Variants in PARD6G observed in about 807,000 individuals in gnomAD.
The protein encoded by PARD6G is par-6 family cell polarity regulator gamma.
Under a neutral mutation model 10.7 loss-of-function variants are expected in PARD6G, and 7 were observed. That is an observed-to-expected ratio of 0.66 (90% CI 0.37 to 1.23). PARD6G has a LOEUF of 1.23. Among genes scored for constraint, PARD6G ranks in the 50% most tolerant of loss-of-function variants. The pLI is 0.02. For synonymous variants in PARD6G, 287 were observed against 269.4 expected (o/e 1.07, Z -0.64); for missense variants, 548 against 571.8 (o/e 0.96, Z 0.42).
intron 2 of PARD6G, among the ~76,000 whole-genome samples, chr18:80,172,380 T>C (rs2052782864): frequency 1.7e-5 from 2 of 117,174 alleles, no homozygotes; most frequent in South Asian, 5.2e-4. Context: ...GTTGTATGTC[T>C]TTTTTTTTTT....
chr18:80,247,450 G>C lies in PARD6G; in HGVS notation c.-102C>G. ...CAGGCCCCGGCCCCGGCCCCGGCCC[G>C]CGCTCGCTTGGCCGGCGGGCTGCTC... On this transcript the variant is annotated 5_prime_UTR_variant, in exon 1 of 3. Coordinates refer to ENST00000353265, the MANE Select transcript of PARD6G (RefSeq NM_032510.4). The surrounding 1 kb of genome is among the most constrained non-coding windows in gnomAD (Gnocchi z 4.2). 1.2e-6 allele frequency: 1 copy of C among 807,152 alleles called. No individual in the cohort carries two copies. Among genetic ancestry groups the C allele is most frequent in the African/African-American group, 1.9e-5 (1 of 51,324 alleles). 50.0% of individuals were successfully genotyped at this position (807,152 alleles called of 1,614,324 possible). A position where few individuals can be genotyped will look rare whatever the true frequency, so the allele number is the denominator to read the frequency against.
At chr18:80,244,003 T>G (rs1196609348) in intron 1 of PARD6G, among the ~76,000 whole-genome samples, 1 of 152,164 alleles carries the variant, frequency 6.6e-6, no homozygotes, top group Non-Finnish European at 1.5e-5. Flanking sequence ...GACGCAATAC[T>G]GACGTAGGTA....
At position 80,159,966 on chromosome 18, in the gene PARD6G, G is replaced by C; in HGVS notation, c.936C>G (p.Pro312=). ...CTGCGGGCGCGCCCGGGGTCTGGGG[G>C]GGACGTGCAGGCTCCAGTGTGCCCT... is the stretch of plus-strand genomic sequence containing the variant. ...VIEGTLEPAR[P]PQTPGAPAGS... Residue 312 remains proline, a synonymous_variant, in exon 3 of 3, where the codon CCC becomes CCG. Coordinates refer to ENST00000353265, the MANE Select transcript of PARD6G (RefSeq NM_032510.4). 1.3e-6 allele frequency: 2 copies of C among 1,497,122 alleles called. No individual in the cohort carries two copies. Among genetic ancestry groups the C allele is most frequent in the South Asian group, 1.4e-5 (1 of 73,480 alleles). 92.7% of individuals were successfully genotyped at this position (1,497,122 alleles called of 1,614,324 possible).
intron 1 of PARD6G, among the ~76,000 whole-genome samples, chr18:80,224,493 G>A (rs1038539831): frequency 3.2e-4 from 48 of 152,184 alleles, no homozygotes; most frequent in African/African-American, 1.1e-3. Flanking sequence ...TTTGGTGTGT[G>A]CTTCAAAGCT....
At position 80,247,305 on chromosome 18, in the gene PARD6G, T is replaced by A; in HGVS notation, c.44A>T (p.Asp15Val). 1.3e-6 allele frequency: 2 copies of A among 1,585,020 alleles called. No homozygotes were observed. The highest frequency in any genetic ancestry group is 1.7e-6 in the Non-Finnish European group (2 of 1,166,590). Residue 15 changes from aspartate to valine, a missense_variant, in exon 1 of 3, where the codon GAT becomes GTT. Transcript: ENST00000353265. The surrounding 1 kb of genome is among the most constrained non-coding windows in gnomAD (Gnocchi z 4.2). ...FHKSQTLRFYDCSAVEVKSKF... is the reference protein window; with the variant it reads ...FHKSQTLRFYVCSAVEVKSKF... Reference sequence around the variant, plus strand: ...GCTCTTGACTTCCACTGCGCTGCAATCGTAGAATCGCAAGGTCTGAGACTT... The same window carrying A: ...GCTCTTGACTTCCACTGCGCTGCAAACGTAGAATCGCAAGGTCTGAGACTT...
chr18:80,170,045 C>T (rs1054721221), intron 2 of PARD6G: 1 of 152,238 alleles, frequency 6.6e-6, no homozygotes, highest in African/African-American at 2.4e-5. Flanking sequence ...GTCCGGTCCC[C>T]GCTTATCCAA....
intron 2 of PARD6G, chr18:80,187,861 G>A (rs1418212266): frequency 2.6e-5 from 4 of 152,326 alleles, no homozygotes; most frequent in Non-Finnish European, 1.5e-5. Flanking sequence ...CCCAGGCTAC[G>A]TGGAGTAGCC....
intron 2 of PARD6G, chr18:80,187,713 T>C (rs2052887654): frequency 6.6e-6 from 1 of 152,224 alleles, no homozygotes; most frequent in Admixed American, 6.5e-5. Flanking sequence ...TGACCACTGC[T>C]GACCTGATGC....
chr18:80,213,680 C>T (rs1031142097), intron 1 of PARD6G, among the ~76,000 whole-genome samples: 1 of 152,092 alleles, frequency 6.6e-6, no homozygotes, highest in Non-Finnish European at 1.5e-5. Context: ...CAGTTTTGGC[C>T]GGGTGCAGTG....
chr18:80,203,913 G>T (rs577311765), intron 1 of PARD6G, among the ~76,000 whole-genome samples: 1 of 152,296 alleles, frequency 6.6e-6, no homozygotes, highest in East Asian at 1.9e-4. Flanking sequence ...TGATGGTCTG[G>T]TCTTTTTCCT....
chr18:80,190,211 A>T (rs1966885161), intron 2 of PARD6G, among the ~76,000 whole-genome samples: 1 of 152,198 alleles, frequency 6.6e-6, no homozygotes, highest in Non-Finnish European at 1.5e-5. Flanking sequence ...CCTGGATTTT[A>T]AAAAAGAAAC....
chr18:80,235,381 C>T lies in PARD6G; in HGVS notation c.72+11896G>A, dbSNP rs559031751. Among the ~76,000 whole-genome samples the T allele has an allele frequency of 1.5e-4, 23 of 152,076 alleles. 1 individual carries two copies. The Middle Eastern group carries it at 0.014, about 90-fold the overall frequency. On this transcript the variant is annotated intron_variant, in intron 1 of 2. Coordinates refer to ENST00000353265, the MANE Select transcript of PARD6G (RefSeq NM_032510.4). ...GCAGTGTGTAGAGGGAAATTTATAG[C>T]ACTAAATGCCCACAGGAGAAAGCAG...
chr18:80,198,273 T>C (rs1175554211), intron 2 of PARD6G, among the ~76,000 whole-genome samples: 5 of 152,198 alleles, frequency 3.3e-5, no homozygotes, highest in African/African-American at 4.8e-5. Flanking sequence ...AATCTGATGA[T>C]GCTAGGGAAC....
chr18:80,204,499 T>C (rs1484921814), intron 1 of PARD6G, among the ~76,000 whole-genome samples: 1 of 152,096 alleles, frequency 6.6e-6, no homozygotes, highest in Non-Finnish European at 1.5e-5. Context: ...TGAAACTGAA[T>C]TGCTCAAGAA....
chr18:80,206,782 A>T (rs1428239094), intron 1 of PARD6G, among the ~76,000 whole-genome samples: 2 of 152,268 alleles, frequency 1.3e-5, no homozygotes, highest in African/African-American at 2.4e-5. Context: ...TAAATGAAAG[A>T]TTCTTCAAAT....
intron 2 of PARD6G, among the ~76,000 whole-genome samples, chr18:80,194,114 A>G (rs754510616): frequency 3.9e-5 from 6 of 152,238 alleles, no homozygotes; most frequent in Non-Finnish European, 8.8e-5. Flanking sequence ...TGGACTCCAA[A>G]CTAATATAGG....
intron 1 of PARD6G, among the ~76,000 whole-genome samples, chr18:80,241,867 C>T (rs897413807): frequency 6.6e-6 from 1 of 152,192 alleles, no homozygotes; most frequent in African/African-American, 2.4e-5. Flanking sequence ...GTCATGGAGA[C>T]CCCTTTATGG....
At position 80,231,086 on chromosome 18, in the gene PARD6G, A is replaced by G. The variant is rs550712690; in HGVS notation, c.72+16191T>C. Among the ~76,000 whole-genome samples, 5 of 152,190 alleles carry G rather than the reference A, an allele frequency of 3.3e-5. No homozygotes were observed. The South Asian group carries it at 6.2e-4, about 19-fold the overall frequency. ...AGGGGTGCCCTTTGTGAGAAGGAAC[A>G]CCCCAGGTGGGAGGGGATGCCCCTC... On this transcript the variant is annotated intron_variant, in intron 1 of 2. Transcript: ENST00000353265. This position sits in a 1 kb window ranked among gnomAD's most constrained non-coding sequence, Gnocchi z 4.2.
rs1966904342 is a variant in PARD6G, at chr18:80,192,288, GA to G, written c.295+10421del. On this transcript the variant is annotated intron_variant, in intron 2 of 2. Coordinates refer to ENST00000353265, the MANE Select transcript of PARD6G (RefSeq NM_032510.4). The surrounding 1 kb of genome is among the most constrained non-coding windows in gnomAD (Gnocchi z 4.9). Reference sequence around the variant, plus strand: ...CCTGAGGTGGGGTGCAGTGCAGGCAGAGGGGCCTTCTGGCCTCAGCTCCAGC... The same window carrying G: ...CCTGAGGTGGGGTGCAGTGCAGGCAGGGGGCCTTCTGGCCTCAGCTCCAGC... Among the ~76,000 whole-genome samples the G allele has an allele frequency of 6.6e-6, 1 of 152,240 alleles. No homozygotes were observed. Among genetic ancestry groups the G allele is most frequent in the Non-Finnish European group, 1.5e-5 (1 of 68,036 alleles).
Sources: gnomAD v4.1 joint callset for allele counts (sites outside exome capture counted in the v4.1 genomes callset) on GRCh38, gnomAD v4.1.1 for gene constraint, Gnocchi (gnomAD v3.1) non-coding constraint, MANE v1.5 for transcripts, NCBI Gene and HGNC (gene_info 2026-07-23, HGNC 2026-07-21) for gene names.